The following LRRC37A3 variants were observed in gnomAD, a reference collection of about 807,000 sequenced individuals.
LRRC37A3 encodes the protein leucine-rich repeat-containing protein 37A3.
In LRRC37A3, 25 loss-of-function variants were observed where a neutral mutation model predicts 106.2. The ratio of observed to expected loss-of-function variants is 0.24; its 90% CI spans 0.17 to 0.33. The LOEUF is 0.33. Among genes scored for constraint, LRRC37A3 ranks in the 10% least tolerant of loss-of-function variants. The pLI is 1.00. For missense variants in LRRC37A3, 712 were observed against 1,644.9 expected, an observed-to-expected ratio of 0.43 and a Z score of 9.81; for synonymous variants, 305 against 635.8, an observed-to-expected ratio of 0.48 and a Z score of 7.83.
intron 12 of LRRC37A3, among the ~76,000 whole-genome samples, chr17:64,859,222 G>C (rs562427613): frequency 6.6e-6 from 1 of 152,258 alleles, no homozygotes; most frequent in African/African-American, 2.4e-5. Flanking sequence ...AAAGTGCTGA[G>C]ATTACAGGCG....
intron 2 of LRRC37A3, among the ~76,000 whole-genome samples, chr17:64,911,174 T>A (rs909529475): frequency 6.6e-6 from 1 of 150,778 alleles, no homozygotes; most frequent in African/African-American, 2.4e-5. Context: ...GAAACAACCG[T>A]TTGCATTTTT....
chr17:64,879,828 G>T (rs1244431591), intron 8 of LRRC37A3, among the ~76,000 whole-genome samples: 1 of 152,008 alleles, frequency 6.6e-6, no homozygotes, highest in Admixed American at 6.6e-5. Context: ...ACTTTGGGAG[G>T]CCAAAGCAGA....
In LRRC37A3 at chr17:64,860,754, T is replaced by C; in HGVS notation, c.3392A>G (p.Asn1131Ser). The stretch of plus-strand genomic sequence containing the variant: ...TAGTAACAGTGATTTCACATCTAGG[T>C]TAACGGCTGAGAAATAAGGTAAGAT... ...SYILPYFSAV[N>S]LDVKSLLLPF... is the part of the protein sequence containing the mutation. The change falls in exon 12 of 15, where the codon AAC (asparagine) becomes AGC (serine). Residue 1131 changes from asparagine (N) to serine (S), a missense_variant. Transcript: ENST00000584306. 6.2e-7 allele frequency: 1 copy of C among 1,614,068 alleles called. No individual in the cohort carries two copies. The highest frequency in any genetic ancestry group is 2.2e-5 in the East Asian group (1 of 44,880).
chr17:64,855,283 C>T (rs903038220), intron 14 of LRRC37A3, among the ~76,000 whole-genome samples: 30 of 151,318 alleles, frequency 2.0e-4, no homozygotes, highest in Admixed American at 1.1e-3. Flanking sequence ...AGGAAGGACT[C>T]ACATATCCTA....
At chr17:64,874,114 G>C (rs574354305) in intron 8 of LRRC37A3, among the ~76,000 whole-genome samples, 1 of 152,194 alleles carries the variant, frequency 6.6e-6, no homozygotes, top group Non-Finnish European at 1.5e-5. Flanking sequence ...AACAATGCAG[G>C]TGCTGGGCAT....
rs1972821692 is a variant in LRRC37A3 at position 64,860,232 on chromosome 17, T to G, written c.3914A>C (p.Tyr1305Ser). The G allele has an allele frequency of 6.2e-7, 1 of 1,613,880 alleles. No homozygotes were observed. The highest frequency in any genetic ancestry group is 8.5e-7 in the Non-Finnish European group (1 of 1,179,882). ...GCGGGAGCGAGTTTTGTGAAAGCGGTATTTTTTTCTGGAATGTACGATGGG... is the reference window on the plus strand; with the variant it reads ...GCGGGAGCGAGTTTTGTGAAAGCGGGATTTTTTTCTGGAATGTACGATGGG... ...SKPIVHSRKKYRFHKTRSRMT... is the reference protein window; with the variant it reads ...SKPIVHSRKKSRFHKTRSRMT... Residue 1305 changes from tyrosine (Y) to serine (S), a missense_variant, in exon 12 of 15, where the codon TAC (tyrosine) becomes TCC (serine). By Grantham distance (144) the Tyr-to-Ser change is moderately radical (BLOSUM62 -2). Transcript: ENST00000584306.
rs371133495 is a variant in LRRC37A3, at chr17:64,860,846, C to T, written c.3300G>A (p.Leu1100=). 3 of 1,614,210 alleles carry T rather than the reference C, an allele frequency of 1.9e-6. No individual in the cohort carries two copies. The highest frequency in any genetic ancestry group is 2.5e-6 in the Non-Finnish European group (3 of 1,180,044). The part of the protein sequence containing the change: ...EEPSDSSGIN[L]SGFGSEQLDT... Reference sequence around the variant, plus strand: ...CTAGCTGCTCACTCCCAAAGCCTGACAAGTTGATGCCACTGCTGTCTGAGG... The same window carrying T: ...CTAGCTGCTCACTCCCAAAGCCTGATAAGTTGATGCCACTGCTGTCTGAGG... The change falls in exon 12 of 15, where the codon TTG becomes TTA. Residue 1100 remains leucine, a synonymous_variant. Transcript: ENST00000584306.
At chr17:64,914,891 C>T (rs1318924427) in intron 2 of LRRC37A3, among the ~76,000 whole-genome samples, 24 of 147,956 alleles carry the variant, frequency 1.6e-4, no homozygotes, top group Non-Finnish European at 1.5e-5. Flanking sequence ...GGCAGAAAGA[C>T]AAGTATCACA....
chr17:64,914,925 T>G (rs1311536169), intron 2 of LRRC37A3, among the ~76,000 whole-genome samples: 2 of 149,822 alleles, frequency 1.3e-5, no homozygotes, highest in East Asian at 1.9e-4. Flanking sequence ...ATATGAGAGA[T>G]TAAGAAGTTG....
At chr17:64,854,704 A>T in intron 14 of LRRC37A3, 60 bp from the exon 15 acceptor site, 1 of 1,611,826 alleles carries the variant, frequency 6.2e-7, no homozygotes. Context: ...TAAGCTTCTC[A>T]CCCCCTCCTC....
chr17:64,881,212 C>G, intron 8 of LRRC37A3: 1 of 700,768 alleles, frequency 1.4e-6, no homozygotes, highest in South Asian at 1.5e-5. Context: ...TCTAGAGAAT[C>G]TGAAACAGTG....
chr17:64,854,615 C>G lies in LRRC37A3; in HGVS notation c.4889G>C (p.Ser1630Thr), dbSNP rs751457254. 2 of 1,613,854 alleles carry G rather than the reference C, an allele frequency of 1.2e-6. No homozygotes were observed. The highest frequency in any genetic ancestry group is 1.7e-6 in the Non-Finnish European group (2 of 1,179,874). ...GTTCTCCTCCTATGGCAGGGCTTCA[C>G]TCTCCTCCTCCGTTGGGGCTTCGCT... Reference protein sequence around the residue: ...RDSEAPTEEESEALP With the variant: ...RDSEAPTEEETEALP The change falls in exon 15 of 15, where the codon AGT (serine) becomes ACT (threonine). Residue 1630 changes from serine (S) to threonine (T), a missense_variant. Ser to Thr is a moderately conservative substitution (Grantham distance 58, BLOSUM62 1). Coordinates refer to ENST00000584306, the MANE Select transcript of LRRC37A3 (RefSeq NM_199340.5).
At chr17:64,903,787 T>C (rs1212425452) in intron 2 of LRRC37A3, among the ~76,000 whole-genome samples, 1 of 152,032 alleles carries the variant, frequency 6.6e-6, no homozygotes, top group East Asian at 1.9e-4. Context: ...ATCAATTGAG[T>C]ACCCTTTCTA....
chr17:64,879,526 TC>T (rs1567773624), intron 8 of LRRC37A3, among the ~76,000 whole-genome samples: 1 of 152,186 alleles, frequency 6.6e-6, no homozygotes, highest in Non-Finnish European at 1.5e-5. Flanking sequence ...CTCTTCCTAT[TC>T]CATATGGTTT....
chr17:64,918,228 T>A, intron 2 of LRRC37A3, among the ~76,000 whole-genome samples: 3 of 149,368 alleles, frequency 2.0e-5, no homozygotes, highest in African/African-American at 7.3e-5. Flanking sequence ...TTGAAATAGG[T>A]GAATATACTC....
chr17:64,861,356 G>C (rs1018456785), intron 11 of LRRC37A3, among the ~76,000 whole-genome samples: 3 of 152,218 alleles, frequency 2.0e-5, no homozygotes, highest in African/African-American at 4.8e-5. Context: ...CTCAGATGCA[G>C]AGAGAGCACA....
At chr17:64,910,249 C>T (rs1974559076) in intron 2 of LRRC37A3, 1 of 152,284 alleles carries the variant, frequency 6.6e-6, no homozygotes, top group African/African-American at 2.4e-5. Context: ...CAAGGCTGGG[C>T]TCAAATGTCA....
chr17:64,916,111 A>G (rs1974695304), intron 2 of LRRC37A3, among the ~76,000 whole-genome samples: 1 of 152,028 alleles, frequency 6.6e-6, no homozygotes, highest in African/African-American at 2.4e-5. Context: ...ACTCTGTCTA[A>G]AAAAATAAAA....
At chr17:64,863,293 A>G (rs1417870347) in intron 10 of LRRC37A3, 1 of 448,190 alleles carries the variant, frequency 2.2e-6, no homozygotes, top group Non-Finnish European at 4.0e-6. Flanking sequence ...TCTCTTCCCA[A>G]CTCAAAAGTC....
Sources: allele counts gnomAD v4.1 joint callset (sites outside exome capture counted in the v4.1 genomes callset), GRCh38; gene constraint gnomAD v4.1.1; transcripts MANE v1.5; gene names NCBI Gene and HGNC (gene_info 2026-07-23, HGNC 2026-07-21).